The following MR1 variants were observed in gnomAD, a reference collection of about 807,000 sequenced individuals.
MR1 encodes the protein major histocompatibility complex, class I-related, also known as major histocompatibility complex class I-related protein 1.
A neutral mutation model predicts 37.8 loss-of-function variants in MR1; 44 were observed. That is an observed-to-expected ratio of 1.16 (90% CI 0.91 to 1.50). The LOEUF is 1.50. MR1 is among the 40% of genes most tolerant of loss of function. MR1 has a pLI of 0.00. For missense variants in MR1, 386 were observed against 419.1 expected (o/e 0.92, Z 0.69); for synonymous variants, 153 against 155.8 (o/e 0.98, Z 0.13).
chr1:181,047,599 A>AAAAAATAAAAAAT (rs1415289151), intron 1 of MR1, among the ~76,000 whole-genome samples: 2 of 129,770 alleles, frequency 1.5e-5, no homozygotes, highest in Admixed American at 7.7e-5. Flanking sequence ...ACTCTGTCTC[A>AAAAAATAAAAAAT]AAAAAATAAA....
rs200036409 is a variant in MR1 at position 181,049,009 on chromosome 1, C to T, written c.68-43C>T. On this transcript the variant is annotated intron_variant, in intron 1 of 5. Transcript: ENST00000367580. The stretch of plus-strand genomic sequence containing the variant: ...ATGAATGCAGTTGAAGGATCTGGAT[C>T]ATCTGGGACCCTACATGTCTTCCTT... The T allele has an allele frequency of 6.5e-4, 1,036 of 1,588,408 alleles. 1 individual carries two copies. Among genetic ancestry groups the T allele is most frequent in the Non-Finnish European group, 5.7e-4 (664 of 1,166,396 alleles).
intron 5 of MR1, 104 bp from the exon 6 acceptor site, chr1:181,055,121 A>G (rs1049912607): frequency 9.8e-7 from 1 of 1,021,272 alleles, no homozygotes; most frequent in African/African-American, 1.6e-5. Flanking sequence ...GCAAGCTAAA[A>G]CTGTCGATGC....
At chr1:181,050,346 C>A in intron 3 of MR1, 60 bp downstream of exon 3, 1 of 1,596,556 alleles carries the variant, frequency 6.3e-7, no homozygotes, top group Non-Finnish European at 8.6e-7. Context: ...TTATACGTAA[C>A]TCTTTTAATC....
In MR1 at chr1:181,052,256, A is replaced by G. The variant is rs2102400613; in HGVS notation, c.626A>G (p.Asn209Ser). Reference sequence around the variant, plus strand: ...CTAGAGCCCCCACTGGTCAGAGTAAATCGCAAAGAAACTTTTCCAGGGGTT... The same window carrying G: ...CTAGAGCCCCCACTGGTCAGAGTAAGTCGCAAAGAAACTTTTCCAGGGGTT... Reference protein sequence around the residue: ...QRTEPPLVRVNRKETFPGVTA... With the variant: ...QRTEPPLVRVSRKETFPGVTA... Residue 209 changes from asparagine (N) to serine (S), a missense_variant, in exon 4 of 6, where the codon AAT becomes AGT. Transcript: ENST00000367580. 1 of 1,614,208 alleles carries G rather than the reference A, an allele frequency of 6.2e-7. No homozygotes were observed. The highest frequency in any genetic ancestry group is 8.5e-7 in the Non-Finnish European group (1 of 1,180,018).
intron 5 of MR1, among the ~76,000 whole-genome samples, chr1:181,053,992 CT>C (rs1658472921): frequency 6.6e-6 from 1 of 152,208 alleles, no homozygotes; most frequent in Admixed American, 6.5e-5. Flanking sequence ...TCCAAACCAT[CT>C]TTTTATTATT....
chr1:181,057,996 G>C lies in MR1; in HGVS notation c.*2731G>C, dbSNP rs997580314. On this transcript the variant is annotated 3_prime_UTR_variant, in exon 6 of 6. Transcript: ENST00000367580. ...TCGCACTCTAGCCTGGGCAACAAGA[G>C]TGAAACTCCATCTCAAAAAAATAAA... 1.3e-5 allele frequency: 2 copies of C among 152,232 alleles called. No homozygotes were observed. The highest frequency in any genetic ancestry group is 4.8e-5 in the African/African-American group (2 of 41,456). The allele number at this position is 152,232 out of a possible 1,614,324, so 9.4% of individuals were successfully genotyped here.
intron 1 of MR1, among the ~76,000 whole-genome samples, chr1:181,044,399 G>C (rs752301473): frequency 6.6e-6 from 1 of 152,220 alleles, no homozygotes; most frequent in African/African-American, 2.4e-5. Flanking sequence ...GGTCCTAAAG[G>C]TGATGGCAGC....
At chr1:181,045,368 A>C (rs1454373022) in intron 1 of MR1, among the ~76,000 whole-genome samples, 1 of 152,112 alleles carries the variant, frequency 6.6e-6, no homozygotes, top group Non-Finnish European at 1.5e-5. Context: ...TGGGGTACGT[A>C]GCCTTCTCAG....
intron 3 of MR1, among the ~76,000 whole-genome samples, chr1:181,051,437 G>A (rs1658315692): frequency 6.6e-6 from 1 of 152,126 alleles, no homozygotes; most frequent in Non-Finnish European, 1.5e-5. Context: ...GGAAAGCATT[G>A]TTGGAGTGAA....
At chr1:181,037,792 A>G (rs943673285) in intron 1 of MR1, among the ~76,000 whole-genome samples, 16 of 152,224 alleles carry the variant, frequency 1.1e-4, no homozygotes, top group African/African-American at 3.9e-4. Context: ...TCTGGGAAAC[A>G]TAAGACATAT....
intron 1 of MR1, among the ~76,000 whole-genome samples, chr1:181,046,567 T>C (rs1424067645): frequency 6.6e-6 from 1 of 152,132 alleles, no homozygotes; most frequent in African/African-American, 2.4e-5. Context: ...ATCAGTGCCC[T>C]GTCAAAACAG....
rs1172395140 is a variant in MR1, at chr1:181,050,723, G to A, written c.604+437G>A. ...AAGGATTAATGAGGTTGGGCATGAT[G>A]GCTCATGCCTGTAATCCTAGCACTT... On this transcript the variant is annotated intron_variant, in intron 3 of 5. Transcript: ENST00000367580. The A allele has an allele frequency of 2.4e-5, 5 of 211,258 alleles. No homozygotes were observed. The East Asian group carries it at 5.6e-4, about 24-fold the overall frequency. 13.1% of individuals were successfully genotyped at this position (211,258 alleles called of 1,614,324 possible).
chr1:181,035,565 A>G (rs1657229807), intron 1 of MR1, among the ~76,000 whole-genome samples: 1 of 152,180 alleles, frequency 6.6e-6, no homozygotes, highest in Non-Finnish European at 1.5e-5. Context: ...TTTGGAAATA[A>G]TAAAGCTTAT....
Position 181,052,330 on chromosome 1 carries a change from A to G in MR1, c.700A>G (p.Met234Val), listed in dbSNP as rs1266990673. The G allele has an allele frequency of 6.2e-6, 10 of 1,614,078 alleles. No homozygotes were observed. Among genetic ancestry groups the G allele is most frequent in the Non-Finnish European group, 7.6e-6 (9 of 1,180,040 alleles). The change falls in exon 4 of 6, where the codon ATG becomes GTG. Residue 234 changes from methionine to valine, a missense_variant. Physicochemically the swap from Met to Val is conservative, Grantham distance 21. Transcript: ENST00000367580. ...TGGCTTTTACCCCCCAGAAATTTACATGACATGGATGAAAAACGGGGAAGA... is the reference window on the plus strand; with the variant it reads ...TGGCTTTTACCCCCCAGAAATTTACGTGACATGGATGAAAAACGGGGAAGA... ...AHGFYPPEIY[M>V]TWMKNGEEIV...
chr1:181,042,697 T>C (rs1657629847), intron 1 of MR1, among the ~76,000 whole-genome samples: 1 of 151,704 alleles, frequency 6.6e-6, no homozygotes, highest in Admixed American at 6.6e-5. Context: ...TCCCAGCTAC[T>C]TGGGAGGCTG....
rs1658639266 is a variant in MR1, at chr1:181,056,735, T to A, written c.*1470T>A. ...AGTGACCTGAACTTTGACAAGTGGC[T>A]TTTGTCCTGCACCTCAGGTTTGACC... On this transcript the variant is annotated 3_prime_UTR_variant, in exon 6 of 6. Transcript: ENST00000367580. The A allele has an allele frequency of 6.6e-6, 1 of 152,420 alleles. No homozygotes were observed. Among genetic ancestry groups the A allele is most frequent in the South Asian group, 2.1e-4 (1 of 4,826 alleles). The allele number at this position is 152,420 out of a possible 1,614,324, so 9.4% of individuals were successfully genotyped here.
intron 2 of MR1, 75 bp downstream of exon 2, chr1:181,049,387 A>T: frequency 6.7e-7 from 1 of 1,499,156 alleles, no homozygotes; most frequent in Non-Finnish European, 8.9e-7. Context: ...GGCCTCCAAT[A>T]AGCGGATGCT....
Position 181,048,075 on chromosome 1 carries a change from A to T in MR1, c.68-977A>T, listed in dbSNP as rs4651081. ...TACTAAAAATACAAAAAAATTAGCC[A>T]GGCGTGGTGACCAGTGCCTGTTATC... is the stretch of plus-strand genomic sequence containing the variant. On this transcript the variant is annotated intron_variant, in intron 1 of 5. Transcript: ENST00000367580. Among the ~76,000 whole-genome samples the T allele has an allele frequency of 4.0e-5, 6 of 151,052 alleles. No homozygotes were observed. In the South Asian group the frequency reaches 6.3e-4, roughly 16 times the overall value.
At chr1:181,042,137 C>T (rs1243931664) in intron 1 of MR1, among the ~76,000 whole-genome samples, 2 of 152,026 alleles carry the variant, frequency 1.3e-5, no homozygotes, top group Non-Finnish European at 2.9e-5. Flanking sequence ...ATATAGTACC[C>T]TTTGCAGATC....
Sources: gnomAD v4.1 joint callset for allele counts (sites outside exome capture counted in the v4.1 genomes callset) on GRCh38, gnomAD v4.1.1 for gene constraint, MANE v1.5 for transcripts, NCBI Gene and HGNC (gene_info 2026-07-23, HGNC 2026-07-21) for gene names.